POLD3: variants seen among roughly 807,000 people sequenced by gnomAD.
POLD3 encodes DNA polymerase delta subunit 3.
POLD3 carries 19 observed loss-of-function variants against 58.2 expected under a neutral mutation model. The ratio of observed to expected loss-of-function variants is 0.33; its 90% CI spans 0.23 to 0.48. The LOEUF (loss-of-function observed/expected upper bound fraction) is 0.48. Among genes scored for constraint, POLD3 ranks in the 20% least tolerant of loss-of-function variants. The probability of loss-of-function intolerance (pLI) is 0.99; values close to 1 mark genes in which losing one functional copy is unlikely to be tolerated. For synonymous variants in POLD3, 172 were observed against 193.5 expected, an observed-to-expected ratio of 0.89 and a Z score of 0.92; for missense variants, 504 against 545.5, an observed-to-expected ratio of 0.92 and a Z score of 0.76.
At chr11:74,631,960 C>CG (rs1193560433) in intron 9 of POLD3, among the ~76,000 whole-genome samples, 1 of 151,942 alleles carries the variant, frequency 6.6e-6, no homozygotes, top group African/African-American at 2.4e-5. Context: ...TTTACCCCTG[C>CG]GGGGTCATAA....
intron 3 of POLD3, among the ~76,000 whole-genome samples, chr11:74,607,886 CTG>C (rs2031752761): frequency 1.3e-5 from 2 of 152,280 alleles, no homozygotes; most frequent in Admixed American, 1.3e-4. Context: ...AAGTGAGCCA[CTG>C]TGCCTGGCCT....
At chr11:74,646,683 A>C (rs1051183273), downstream of POLD3, among the ~76,000 whole-genome samples, 1 of 152,226 alleles carries the variant, frequency 6.6e-6, no homozygotes, top group Non-Finnish European at 1.5e-5. Flanking sequence ...CTTAACATTT[A>C]TAAGAAAATC....
Position 74,658,905 on chromosome 11 carries a change from A to G in POLD3, c.370-9872A>G, listed in dbSNP as rs1265009248. Among the ~76,000 whole-genome samples, 10 of 152,078 alleles carry G rather than the reference A, an allele frequency of 6.6e-5. No individual in the cohort carries two copies. The East Asian group carries it at 1.9e-3, about 29-fold the overall frequency. ...CACGGTGCAAGCTGCCAGTGGATCT[A>G]CCATTCTGGGGTCTAGAGGATGGTA... On this transcript the variant is annotated intron_variant, in intron 4 of 4. Transcript: ENST00000524752.
intron 5 of POLD3, among the ~76,000 whole-genome samples, chr11:74,616,753 ACTTC>A: frequency 6.6e-6 from 1 of 152,276 alleles, no homozygotes; most frequent in African/African-American, 2.4e-5. Context: ...GTCTAAAGTT[ACTTC>A]TGAGATGAAA....
intron 7 of POLD3, among the ~76,000 whole-genome samples, chr11:74,624,333 A>G (rs998352761): frequency 1.3e-5 from 2 of 152,220 alleles, no homozygotes; most frequent in East Asian, 1.9e-4. Context: ...GGATTCCACC[A>G]TTCGCATTTT....
chr11:74,631,647 C>A (rs922358687), intron 9 of POLD3, among the ~76,000 whole-genome samples: 1 of 151,806 alleles, frequency 6.6e-6, no homozygotes, highest in Non-Finnish European at 1.5e-5. Flanking sequence ...CCACGCCCAG[C>A]TAATTTTTGT....
chr11:74,604,309 T>C (rs928580529), intron 2 of POLD3, among the ~76,000 whole-genome samples: 4 of 152,212 alleles, frequency 2.6e-5, no homozygotes, highest in Non-Finnish European at 5.9e-5. Flanking sequence ...CGCCTTGGGA[T>C]ATTAAGAGGC....
intron 11 of POLD3, among the ~76,000 whole-genome samples, chr11:74,639,968 C>T (rs2032866668): frequency 6.6e-6 from 1 of 152,140 alleles, no homozygotes; most frequent in African/African-American, 2.4e-5. Flanking sequence ...CCATTAAGAA[C>T]TAAGAACCGA....
At chr11:74,663,858 C>G (rs2033234440) in intron 4 of POLD3, among the ~76,000 whole-genome samples, 1 of 152,112 alleles carries the variant, frequency 6.6e-6, no homozygotes, top group Non-Finnish European at 1.5e-5. Flanking sequence ...ATGCATATAT[C>G]TCTATCTCTC....
chr11:74,642,801 A>ATG lies in POLD3; in HGVS notation c.*2036_*2037dup. ...AGTGTTGCAATTATTTAAGCTCTGAATGGGAAGAAGGCTGGTTTTCAGTTG... is the reference window on the plus strand; with the variant it reads ...AGTGTTGCAATTATTTAAGCTCTGAATGTGGGAAGAAGGCTGGTTTTCAGTTG... On this transcript the variant is annotated 3_prime_UTR_variant, in exon 12 of 12. Coordinates refer to ENST00000263681, the MANE Select transcript of POLD3 (RefSeq NM_006591.3). 1 of 985,390 alleles carries ATG rather than the reference A, an allele frequency of 1.0e-6. No individual in the cohort carries two copies. Among genetic ancestry groups the ATG allele is most frequent in the East Asian group, 1.1e-4 (1 of 8,822 alleles). 61.0% of individuals were successfully genotyped at this position (985,390 alleles called of 1,614,324 possible).
chr11:74,604,867 G>A (rs2031623022), intron 3 of POLD3, 73 bp downstream of exon 3: 11 of 791,392 alleles, frequency 1.4e-5, no homozygotes, highest in Non-Finnish European at 1.9e-5. Flanking sequence ...TAGTTCAGGG[G>A]AGAGAAAAAA....
At chr11:74,604,278 C>G (rs999087949) in intron 2 of POLD3, among the ~76,000 whole-genome samples, 1 of 152,210 alleles carries the variant, frequency 6.6e-6, no homozygotes, top group African/African-American at 2.4e-5. Context: ...AATCACTAAT[C>G]TAATATAACC....
chr11:74,613,079 G>C lies in POLD3; in HGVS notation c.392+69G>C, dbSNP rs922542746. ...TTTGTAAGATGTTTACACAGTGGCT[G>C]CCTCTTAAGAGTGAATGCCAAGTCT... On this transcript the variant is annotated intron_variant, in intron 5 of 11. Transcript: ENST00000263681. The C allele has an allele frequency of 1.0e-5, 15 of 1,433,476 alleles. No homozygotes were observed. In the African/African-American group the frequency reaches 1.1e-4, roughly 11 times the overall value. 88.8% of individuals were successfully genotyped at this position (1,433,476 alleles called of 1,614,324 possible). A position where few individuals can be genotyped will look rare whatever the true frequency, so the allele number is the denominator to read the frequency against.
intron 4 of POLD3, among the ~76,000 whole-genome samples, chr11:74,661,917 T>A (rs112269670): frequency 6.6e-6 from 1 of 152,232 alleles, no homozygotes; most frequent in Non-Finnish European, 1.5e-5. Context: ...TCCTTTCTAC[T>A]CTTCCCTTCC....
intron 4 of POLD3, among the ~76,000 whole-genome samples, chr11:74,655,194 C>G (rs906545560): frequency 6.6e-6 from 1 of 152,290 alleles, no homozygotes; most frequent in Non-Finnish European, 1.5e-5. Context: ...AGCACAACCT[C>G]TGATCAATCA....
intron 4 of POLD3, among the ~76,000 whole-genome samples, chr11:74,657,891 A>G (rs1196499465): frequency 6.6e-6 from 1 of 152,172 alleles, no homozygotes; most frequent in Non-Finnish European, 1.5e-5. Context: ...TGTTTGAAGG[A>G]TGTTTTCACC....
chr11:74,648,167 C>A (rs1309461550), intron 4 of POLD3, among the ~76,000 whole-genome samples: 3 of 152,148 alleles, frequency 2.0e-5, no homozygotes, highest in Non-Finnish European at 1.5e-5. Flanking sequence ...ATGAATTATA[C>A]CTTTACAATT....
chr11:74,638,183 C>A (rs532075189), intron 11 of POLD3, among the ~76,000 whole-genome samples: 13 of 152,064 alleles, frequency 8.5e-5, no homozygotes, highest in Admixed American at 3.3e-4. Flanking sequence ...TGTTGTTCAG[C>A]TAAAATAAAG....
chr11:74,663,607 GA>G (rs1436236812), intron 4 of POLD3, among the ~76,000 whole-genome samples: 3 of 152,174 alleles, frequency 2.0e-5, no homozygotes, highest in Non-Finnish European at 4.4e-5. Context: ...AATGTGGAAA[GA>G]AAAGTCTGTT....
Sources: gnomAD v4.1 joint callset for allele counts (sites outside exome capture counted in the v4.1 genomes callset) on GRCh38, gnomAD v4.1.1 for gene constraint, MANE v1.5 for transcripts, NCBI Gene and HGNC (gene_info 2026-07-23, HGNC 2026-07-21) for gene names.